Variants in UBE2H observed in about 807,000 individuals in gnomAD.
The protein encoded by UBE2H is ubiquitin-conjugating enzyme E2 H.
Under a neutral mutation model 29.0 loss-of-function variants are expected in UBE2H, and 3 were observed. The ratio of observed to expected loss-of-function variants is 0.10; its 90% confidence interval spans 0.05 to 0.27. The LOEUF (loss-of-function observed/expected upper bound fraction) is 0.27, where lower values mean the gene tolerates loss of function less well. UBE2H is among the 10% of genes least tolerant of loss of function. UBE2H has a pLI of 1.00. For missense variants in UBE2H, 68 were observed against 228.2 expected (o/e 0.30, Z 4.52); for synonymous variants, 69 against 82.9 (o/e 0.83, Z 0.91).
intron 1 of UBE2H, among the ~76,000 whole-genome samples, chr7:129,883,075 T>C (rs1806286236): frequency 6.6e-6 from 1 of 152,102 alleles, no homozygotes; most frequent in Non-Finnish European, 1.5e-5. Flanking sequence ...TATAAAAAAG[T>C]CCAATTCATT....
At chr7:129,869,257 C>CA (rs764636125) in intron 3 of UBE2H, among the ~76,000 whole-genome samples, 3 of 151,962 alleles carry the variant, frequency 2.0e-5, no homozygotes, top group Non-Finnish European at 4.4e-5. Context: ...AGCTTCTCCT[C>CA]AGTGACCTTC....
At position 129,917,191 on chromosome 7, in the gene UBE2H, TCAAA is replaced by T. The variant is rs755608105; in HGVS notation, c.53+35308_53+35311del. Among the ~76,000 whole-genome samples, 168 of 152,310 alleles carry T rather than the reference TCAAA, an allele frequency of 1.1e-3. 1 individual carries two copies. Among genetic ancestry groups the T allele is most frequent in the Non-Finnish European group, 1.7e-3 (119 of 68,024 alleles). On this transcript the variant is annotated intron_variant, in intron 1 of 6. Coordinates refer to ENST00000355621, the MANE Select transcript of UBE2H (RefSeq NM_003344.4). Reference sequence around the variant, plus strand: ...CCTGGCAACAAAGCGAGACTCCGTCTCAAACAAACAAACAAAAAGTTCCATTTGC... The same window carrying T: ...CCTGGCAACAAAGCGAGACTCCGTCTCAAACAAACAAAAAGTTCCATTTGC...
intron 5 of UBE2H, among the ~76,000 whole-genome samples, chr7:129,847,759 T>C (rs553473178): frequency 6.6e-6 from 1 of 152,230 alleles, no homozygotes; most frequent in African/African-American, 2.4e-5. Context: ...TATCAAACTT[T>C]ACATGTCTAA....
Position 129,832,417 on chromosome 7 carries a change from G to A in UBE2H, c.*2520C>T, listed in dbSNP as rs191538256. On this transcript the variant is annotated 3_prime_UTR_variant, in exon 7 of 7. Coordinates refer to ENST00000355621, the MANE Select transcript of UBE2H (RefSeq NM_003344.4). ...AGGAGCTTCCAGCACTAACAGAGGAGCCTTATCCCACCTTCATCACACACA... is the reference window on the plus strand; with the variant it reads ...AGGAGCTTCCAGCACTAACAGAGGAACCTTATCCCACCTTCATCACACACA... 1.3e-5 allele frequency: 2 copies of A among 152,630 alleles called. No individual in the cohort carries two copies. Among genetic ancestry groups the A allele is most frequent in the East Asian group, 3.9e-4 (2 of 5,192 alleles). The allele number at this position is 152,630 out of a possible 1,614,324, so 9.5% of individuals were successfully genotyped here.
chr7:129,916,602 C>A (rs2116459619), intron 1 of UBE2H, among the ~76,000 whole-genome samples: 1 of 152,150 alleles, frequency 6.6e-6, no homozygotes, highest in Admixed American at 6.6e-5. Context: ...GGAAGGAAAG[C>A]AGCCTGTTTT....
At chr7:129,860,105 T>C (rs1805773218) in intron 3 of UBE2H, among the ~76,000 whole-genome samples, 1 of 152,202 alleles carries the variant, frequency 6.6e-6, no homozygotes, top group African/African-American at 2.4e-5. Flanking sequence ...GAAATGGCAC[T>C]GGAGGAGGAG....
rs779062321 is a variant in UBE2H at position 129,936,466 on chromosome 7, C to T, written c.53+16037G>A. Among the ~76,000 whole-genome samples the T allele has an allele frequency of 6.6e-5, 10 of 150,916 alleles. No homozygotes were observed. In the East Asian group the frequency reaches 9.8e-4, roughly 15 times the overall value. ...AAAATTAGCCGGGCGTAGTGGCGGG[C>T]GCCTGTAGTCCCAGCTACTCGGGAG... On this transcript the variant is annotated intron_variant, in intron 1 of 6. Transcript: ENST00000355621.
chr7:129,928,288 C>G (rs987158856), intron 1 of UBE2H, among the ~76,000 whole-genome samples: 1 of 151,742 alleles, frequency 6.6e-6, no homozygotes, highest in Non-Finnish European at 1.5e-5. Flanking sequence ...CTCAAAAAAA[C>G]AAAAATAAAA....
intron 4 of UBE2H, among the ~76,000 whole-genome samples, chr7:129,857,835 GT>G (rs956952592): frequency 1.3e-5 from 2 of 152,172 alleles, no homozygotes; most frequent in Non-Finnish European, 2.9e-5. Context: ...GACAGACCTT[GT>G]GTGTCTCTGA....
rs1426122158 is a variant in UBE2H, at chr7:129,834,396, C to T, written c.*541G>A. 2 of 152,930 alleles carry T rather than the reference C, an allele frequency of 1.3e-5. No individual in the cohort carries two copies. Among genetic ancestry groups the T allele is most frequent in the African/African-American group, 4.8e-5 (2 of 41,432 alleles). The allele number at this position is 152,930 out of a possible 1,614,324, so 9.5% of individuals were successfully genotyped here. ...AGCTCCCTGCTTTATACTGTAACTC[C>T]ACAGAAGACATAGGGCCACCTAGGA... On this transcript the variant is annotated 3_prime_UTR_variant, in exon 7 of 7. Transcript: ENST00000355621.
intron 1 of UBE2H, among the ~76,000 whole-genome samples, chr7:129,920,620 G>T (rs1445668931): frequency 6.6e-6 from 1 of 151,992 alleles, no homozygotes; most frequent in Non-Finnish European, 1.5e-5. Context: ...TGAATGGTAT[G>T]ATGACAATTC....
At chr7:129,925,601 C>G (rs769389181) in intron 1 of UBE2H, among the ~76,000 whole-genome samples, 1 of 152,176 alleles carries the variant, frequency 6.6e-6, no homozygotes, top group Non-Finnish European at 1.5e-5. Context: ...GTCAAAGAGC[C>G]TTGTTTCCCA....
At chr7:129,871,396 GTT>G (rs1000711842) in intron 3 of UBE2H, among the ~76,000 whole-genome samples, 1 of 152,090 alleles carries the variant, frequency 6.6e-6, no homozygotes, top group Non-Finnish European at 1.5e-5. Context: ...CTAGAACCTT[GTT>G]TCTCTCTACT....
chr7:129,894,203 C>T (rs1269452945), intron 1 of UBE2H, among the ~76,000 whole-genome samples: 3 of 151,926 alleles, frequency 2.0e-5, no homozygotes, highest in African/African-American at 4.8e-5. Flanking sequence ...CCTGTAATTC[C>T]AACATTTTAG....
intron 5 of UBE2H, among the ~76,000 whole-genome samples, chr7:129,848,869 G>T: frequency 7.9e-6 from 1 of 126,070 alleles, no homozygotes; most frequent in African/African-American, 2.9e-5. Context: ...GCCTGAAATA[G>T]GGCAAATAAA....
In UBE2H at chr7:129,924,890, C is replaced by T. The variant is rs559951658; in HGVS notation, c.53+27613G>A. Among the ~76,000 whole-genome samples the T allele has an allele frequency of 7.2e-5, 11 of 151,934 alleles. No individual in the cohort carries two copies. The South Asian group carries it at 1.7e-3, about 23-fold the overall frequency. ...CTCTCCTCTACCAACCTTCAACCAC[C>T]GCTGAACTCCCAAATCAGGTCCTCT... is the stretch of plus-strand genomic sequence containing the variant. On this transcript the variant is annotated intron_variant, in intron 1 of 6. Coordinates refer to ENST00000355621, the MANE Select transcript of UBE2H (RefSeq NM_003344.4).
intron 1 of UBE2H, among the ~76,000 whole-genome samples, chr7:129,951,719 G>A (rs1157291902): frequency 1.3e-5 from 2 of 152,184 alleles, no homozygotes; most frequent in Admixed American, 1.3e-4. Context: ...GACCCTCACA[G>A]AGGAAGTTTT....
chr7:129,894,907 CAAACTT>C (rs1365554565), intron 1 of UBE2H, among the ~76,000 whole-genome samples: 1 of 152,100 alleles, frequency 6.6e-6, no homozygotes, highest in Non-Finnish European at 1.5e-5. Flanking sequence ...TTAAAATCTG[CAAACTT>C]GGACTGAACC....
intron 1 of UBE2H, among the ~76,000 whole-genome samples, chr7:129,935,307 G>A (rs1462422611): frequency 6.6e-6 from 1 of 151,480 alleles, no homozygotes; most frequent in Non-Finnish European, 1.5e-5. Context: ...CAGCTACTCA[G>A]GAGGCTGAGG....
Sources: allele counts gnomAD v4.1 joint callset (sites outside exome capture counted in the v4.1 genomes callset), GRCh38; gene constraint gnomAD v4.1.1; transcripts MANE v1.5; gene names NCBI Gene and HGNC (gene_info 2026-07-23, HGNC 2026-07-21).